Variants in LIPC observed in about 807,000 individuals in gnomAD.
LIPC encodes the protein lipase C, hepatic type.
Under a neutral mutation model 50.7 loss-of-function variants are expected in LIPC, and 44 were observed. The observed-to-expected ratio is 0.87, with a 90% CI of 0.68 to 1.11. The LOEUF (loss-of-function observed/expected upper bound fraction) is 1.11, where lower values mean the gene tolerates loss of function less well. Among genes scored for constraint, LIPC ranks in the 50% most tolerant of loss-of-function variants. The probability of loss-of-function intolerance (pLI) is 0.00; values close to 1 mark genes in which losing one functional copy is unlikely to be tolerated. For missense variants in LIPC, 697 were observed against 648.2 expected, an observed-to-expected ratio of 1.08 and a Z score of -0.82; for synonymous variants, 271 against 256.4, an observed-to-expected ratio of 1.06 and a Z score of -0.54.
intron 1 of LIPC, among the ~76,000 whole-genome samples, chr15:58,468,667 C>T (rs1339640563): frequency 6.6e-6 from 1 of 152,158 alleles, no homozygotes; most frequent in Admixed American, 6.5e-5. Context: ...GGTTCTTACC[C>T]TTGGAAGCTC....
chr15:58,500,085 A>G (rs543903798), intron 1 of LIPC, among the ~76,000 whole-genome samples: 12 of 152,284 alleles, frequency 7.9e-5, no homozygotes, highest in South Asian at 4.2e-4. Context: ...TCTGATTCCA[A>G]CTGAAACGTA....
Position 58,479,846 on chromosome 15 carries a change from T to C in LIPC, c.88+47726T>C, listed in dbSNP as rs866466867. Among the ~76,000 whole-genome samples, 9 of 152,178 alleles carry C rather than the reference T, an allele frequency of 5.9e-5. No individual in the cohort carries two copies. The Middle Eastern group carries it at 0.01, about 173-fold the overall frequency. Reference sequence around the variant, plus strand: ...GTGAGGGAAAGGACAAAAATTAGAGTCATAAAATCACCATTAACCCCCCAG... The same window carrying C: ...GTGAGGGAAAGGACAAAAATTAGAGCCATAAAATCACCATTAACCCCCCAG... On this transcript the variant is annotated intron_variant, in intron 1 of 8. Transcript: ENST00000299022.
chr15:58,501,926 C>A (rs1041586536), intron 1 of LIPC, among the ~76,000 whole-genome samples: 2 of 152,154 alleles, frequency 1.3e-5, no homozygotes, highest in Non-Finnish European at 2.9e-5. Context: ...AACCAGACAT[C>A]TGTTATGTCT....
At chr15:58,543,273 T>G (rs1174356117) in intron 4 of LIPC, among the ~76,000 whole-genome samples, 1 of 151,702 alleles carries the variant, frequency 6.6e-6, no homozygotes, top group South Asian at 2.1e-4. Flanking sequence ...ACACAGCTGG[T>G]GAGATTGTTC....
At chr15:58,502,211 G>C (rs1257990091) in intron 1 of LIPC, among the ~76,000 whole-genome samples, 1 of 152,114 alleles carries the variant, frequency 6.6e-6, no homozygotes, top group African/African-American at 2.4e-5. Flanking sequence ...CCGTTCCCCA[G>C]ATGCCCCCTC....
intron 3 of LIPC, 77 bp from the exon 4 acceptor site, chr15:58,542,457 G>T: frequency 1.1e-6 from 1 of 919,976 alleles, no homozygotes; most frequent in South Asian, 1.3e-5. Flanking sequence ...CAGGGTGGGC[G>T]CCACAACACA....
intron 4 of LIPC, 135 bp from the exon 5 acceptor site, chr15:58,545,607 T>C (rs1893494944): frequency 2.7e-6 from 2 of 736,964 alleles, no homozygotes; most frequent in African/African-American, 1.7e-5. Flanking sequence ...CGAGGTTTTC[T>C]AGGGAAGGAT....
intron 6 of LIPC, among the ~76,000 whole-genome samples, chr15:58,554,318 C>T (rs1206177800): frequency 6.6e-6 from 1 of 152,130 alleles, no homozygotes; most frequent in East Asian, 1.9e-4. Context: ...TGCCTTTCAT[C>T]TTTAAGACCT....
chr15:58,492,554 A>G (rs1891622060), intron 1 of LIPC, among the ~76,000 whole-genome samples: 1 of 152,114 alleles, frequency 6.6e-6, no homozygotes, highest in Admixed American at 6.5e-5. Flanking sequence ...TACCTGCCCA[A>G]GGCCACACAG....
chr15:58,540,843 G>A (rs1286098908), intron 2 of LIPC, among the ~76,000 whole-genome samples: 4 of 151,946 alleles, frequency 2.6e-5, no homozygotes, highest in African/African-American at 7.3e-5. Context: ...TCACTCTATC[G>A]CCCAGGCTGG....
At chr15:58,432,454 T>A in intron 1 of LIPC, 1 of 340,358 alleles carries the variant, frequency 2.9e-6, no homozygotes, top group East Asian at 6.6e-5. Context: ...AGAGTTAATG[T>A]GGCATCTAAT....
At chr15:58,477,288 G>A (rs768614940) in intron 1 of LIPC, among the ~76,000 whole-genome samples, 1 of 152,214 alleles carries the variant, frequency 6.6e-6, no homozygotes, top group African/African-American at 2.4e-5. Flanking sequence ...GGGAAGCTAC[G>A]TGAGCCACGT....
intron 4 of LIPC, among the ~76,000 whole-genome samples, chr15:58,545,263 G>C (rs1893482221): frequency 6.6e-6 from 1 of 151,446 alleles, no homozygotes; most frequent in African/African-American, 2.4e-5. Flanking sequence ...TTTTGAGACA[G>C]GATCTCCCTC....
chr15:58,554,970 G>C (rs72743035), intron 6 of LIPC, among the ~76,000 whole-genome samples: 7,854 of 152,236 alleles, frequency 0.052, 274 homozygotes, highest in Non-Finnish European at 0.082. Context: ...TCCCTGGTGA[G>C]CCTCAGAAAG....
In LIPC at chr15:58,538,433, G is replaced by T; in HGVS notation, c.189G>T (p.Gln63His). 6.2e-7 allele frequency: 1 copy of T among 1,614,216 alleles called. No homozygotes were observed. Residue 63 changes from glutamine (Q) to histidine (H), a missense_variant, in exon 2 of 9, where the codon CAG becomes CAT. Coordinates refer to ENST00000299022, the MANE Select transcript of LIPC (RefSeq NM_000236.3). Reference sequence around the variant, plus strand: ...TTGGAGAAACCAATCAGGGCTGTCAGATTCGAATCAATCATCCGGACACGT... The same window carrying T: ...TTGGAGAAACCAATCAGGGCTGTCATATTCGAATCAATCATCCGGACACGT... ...LLFGETNQGC[Q>H]IRINHPDTLQ...
intron 6 of LIPC, among the ~76,000 whole-genome samples, chr15:58,558,757 T>C (rs971097875): frequency 3.3e-5 from 5 of 152,170 alleles, no homozygotes. Flanking sequence ...GCCCAAAATG[T>C]TGGGGACTGC....
rs1163159129 is a variant in LIPC at position 58,548,495 on chromosome 15, G to T, written c.974G>T (p.Gly325Val). ...SCKKGRCNTL[G>V]YHVRQEPRSK... ...AAGAAGGGCCGCTGCAACACGCTGG[G>T]CTACCACGTCCGCCAGGAGCCGCGG... is the stretch of plus-strand genomic sequence containing the variant. Residue 325 changes from glycine (G) to valine (V), a missense_variant, in exon 6 of 9, where the codon GGC becomes GTC. Gly to Val is a moderately radical substitution (Grantham distance 109). Transcript: ENST00000299022. The T allele has an allele frequency of 6.2e-7, 1 of 1,608,884 alleles. No homozygotes were observed. Among genetic ancestry groups the T allele is most frequent in the East Asian group, 2.2e-5 (1 of 44,802 alleles).
At chr15:58,432,172 CGT>C in intron 1 of LIPC, 52 bp downstream of exon 1, 1 of 1,316,950 alleles carries the variant, frequency 7.6e-7, no homozygotes, top group South Asian at 1.2e-5. Flanking sequence ...CTTTTTAAAA[CGT>C]GTGTCACAAA....
intron 6 of LIPC, among the ~76,000 whole-genome samples, chr15:58,556,345 A>T (rs1893951402): frequency 6.6e-6 from 1 of 152,214 alleles, no homozygotes; most frequent in Non-Finnish European, 1.5e-5. Context: ...ATGGACACAG[A>T]TGCCCGTGAG....
Sources: allele counts gnomAD v4.1 joint callset (sites outside exome capture counted in the v4.1 genomes callset), GRCh38; gene constraint gnomAD v4.1.1; transcripts MANE v1.5; gene names NCBI Gene and HGNC (gene_info 2026-07-23, HGNC 2026-07-21).